Variants in UBR2 observed in about 807,000 individuals in gnomAD.
UBR2 encodes the protein E3 ubiquitin-protein ligase UBR2.
Under a neutral mutation model 247.9 loss-of-function variants are expected in UBR2, and 92 were observed. The ratio of observed to expected loss-of-function variants is 0.37; its 90% CI spans 0.31 to 0.44. The LOEUF is 0.44. Among genes scored for constraint, UBR2 ranks in the 20% least tolerant of loss-of-function variants. The pLI, the probability that UBR2 is intolerant of heterozygous loss-of-function variation, is 1.00. For missense variants in UBR2, 1,613 were observed against 2,112.6 expected (o/e 0.76, Z 4.64); for synonymous variants, 672 against 693.5 (o/e 0.97, Z 0.49).
At chr6:42,622,509 C>A (rs1795054403) in intron 11 of UBR2, among the ~76,000 whole-genome samples, 1 of 151,200 alleles carries the variant, frequency 6.6e-6, no homozygotes, top group African/African-American at 2.4e-5. Context: ...TAAAGTGATT[C>A]TTCTGCCTCA....
chr6:42,665,358 A>G (rs765330927), intron 32 of UBR2, 51 bp from the exon 33 acceptor site: 7 of 1,371,540 alleles, frequency 5.1e-6, no homozygotes, highest in Non-Finnish European at 7.1e-6. Context: ...AGTCTTTTGT[A>G]TCTTAAGGAA....
chr6:42,671,324 C>A (rs567916118), intron 36 of UBR2, among the ~76,000 whole-genome samples: 2 of 151,602 alleles, frequency 1.3e-5, no homozygotes, highest in African/African-American at 4.8e-5. Flanking sequence ...TTGGGAAGAT[C>A]ACTGGAGCTG....
chr6:42,658,844 A>C lies in UBR2; in HGVS notation c.3242+20A>C, dbSNP rs1017052114. On this transcript the variant is annotated intron_variant, in intron 29 of 46. Coordinates refer to ENST00000372901, the MANE Select transcript of UBR2 (RefSeq NM_001363705.2). ...TCATAGGTAAAAAAAAAAAAAAAAA[A>C]AATTAATGTCTTGACGAGTTTTTCC... 2 of 1,509,662 alleles carry C rather than the reference A, an allele frequency of 1.3e-6. No individual in the cohort carries two copies. The highest frequency in any genetic ancestry group is 1.8e-6 in the Non-Finnish European group (2 of 1,132,086). 93.5% of individuals were successfully genotyped at this position (1,509,662 alleles called of 1,614,324 possible).
intron 31 of UBR2, among the ~76,000 whole-genome samples, chr6:42,662,706 G>T (rs1005008075): frequency 6.6e-6 from 1 of 152,040 alleles, no homozygotes; most frequent in East Asian, 1.9e-4. Context: ...GTTCTACCTT[G>T]GTGTTTCCTA....
chr6:42,607,722 T>TTG (rs1554247998), intron 7 of UBR2, among the ~76,000 whole-genome samples: 1 of 135,930 alleles, frequency 7.4e-6, no homozygotes, highest in African/African-American at 2.8e-5. Flanking sequence ...GTTTTTTTTT[T>TTG]TTTTTTTTTT....
chr6:42,596,182 A>G (rs930295146), intron 4 of UBR2, among the ~76,000 whole-genome samples: 3 of 150,040 alleles, frequency 2.0e-5, no homozygotes, highest in Non-Finnish European at 4.4e-5. Flanking sequence ...ACCCAATTTA[A>G]AAATGGGCAA....
At chr6:42,682,791 T>G (rs1026958457) in intron 42 of UBR2, among the ~76,000 whole-genome samples, 1 of 152,220 alleles carries the variant, frequency 6.6e-6, no homozygotes, top group Non-Finnish European at 1.5e-5. Flanking sequence ...TAATATAGAC[T>G]AGTTTTTCTA....
rs746883159 is a variant in UBR2, at chr6:42,678,521, CT to C, written c.4479-10del. ...TTTTCTTAGTAGATTTCCCAATAAT[CT>C]TTTTTTTCTTTTTTAGTGCCTTGAA... On this transcript the variant is annotated splice_polypyrimidine_tract_variant and intron_variant, in intron 40 of 46. Coordinates refer to ENST00000372901, the MANE Select transcript of UBR2 (RefSeq NM_001363705.2). The C allele has an allele frequency of 3.8e-6, 6 of 1,596,162 alleles. No homozygotes were observed. The highest frequency in any genetic ancestry group is 2.2e-5 in the East Asian group (1 of 44,704).
chr6:42,601,483 G>T (rs1039683854), intron 4 of UBR2, among the ~76,000 whole-genome samples: 7 of 152,120 alleles, frequency 4.6e-5, no homozygotes, highest in Admixed American at 2.6e-4. Context: ...GAAGTCAGGG[G>T]TTTGAGACCA....
At chr6:42,630,049 A>G (rs1015454553) in intron 11 of UBR2, among the ~76,000 whole-genome samples, 2 of 152,022 alleles carry the variant, frequency 1.3e-5, no homozygotes, top group African/African-American at 2.4e-5. Flanking sequence ...GACAGGAGCC[A>G]CTGTGGCCAG....
At chr6:42,662,841 A>G (rs761538) in intron 31 of UBR2, among the ~76,000 whole-genome samples, 140,070 of 152,130 alleles carry the variant, frequency 0.92, 64,588 homozygotes, top group East Asian at 0.99. Context: ...AGGCTGAGAC[A>G]GGAGAATTGC....
intron 11 of UBR2, among the ~76,000 whole-genome samples, chr6:42,629,047 G>A (rs372729052): frequency 2.8e-4 from 42 of 151,820 alleles, no homozygotes; most frequent in African/African-American, 9.9e-4. Context: ...ATAGAGTTTC[G>A]CTCTTGTCAT....
Position 42,632,923 on chromosome 6 carries a change from A to G in UBR2, c.1545+19A>G, listed in dbSNP as rs375459206. ...TATGCAGGTATGTAAAAACTGTTAC[A>G]CTTTTCTTTTTCCTTTTTTTTTTTT... is the stretch of plus-strand genomic sequence containing the variant. On this transcript the variant is annotated intron_variant, in intron 13 of 46. Coordinates refer to ENST00000372901, the MANE Select transcript of UBR2 (RefSeq NM_001363705.2). 19 of 1,360,572 alleles carry G rather than the reference A, an allele frequency of 1.4e-5. No homozygotes were observed. Among genetic ancestry groups the G allele is most frequent in the Non-Finnish European group, 1.7e-5 (18 of 1,033,218 alleles). 84.3% of individuals were successfully genotyped at this position (1,360,572 alleles called of 1,614,324 possible).
chr6:42,632,387 A>T (rs568998975), intron 11 of UBR2, among the ~76,000 whole-genome samples, 165 bp from the exon 12 acceptor site: 6 of 152,130 alleles, frequency 3.9e-5, no homozygotes, highest in South Asian at 2.1e-4. Flanking sequence ...TGGCAATTGG[A>T]GTAAGTAATT....
Position 42,691,742 on chromosome 6 carries a change from G to A in UBR2, c.*569G>A, listed in dbSNP as rs1039544031. ...AGAAGAAGCCCGTGGGGAGAAGGTGGATTCCTGGTGTGCTGGCTGGTTTTT... is the reference window on the plus strand; with the variant it reads ...AGAAGAAGCCCGTGGGGAGAAGGTGAATTCCTGGTGTGCTGGCTGGTTTTT... On this transcript the variant is annotated 3_prime_UTR_variant, in exon 47 of 47. Coordinates refer to ENST00000372901, the MANE Select transcript of UBR2 (RefSeq NM_001363705.2). The A allele has an allele frequency of 6.6e-6, 1 of 151,642 alleles. No homozygotes were observed. The highest frequency in any genetic ancestry group is 6.6e-5 in the Admixed American group (1 of 15,226). 9.4% of individuals were successfully genotyped at this position (151,642 alleles called of 1,614,324 possible).
At chr6:42,565,144 G>A (rs1426550592) in intron 1 of UBR2, among the ~76,000 whole-genome samples, 2 of 152,240 alleles carry the variant, frequency 1.3e-5, no homozygotes, top group African/African-American at 4.8e-5. Flanking sequence ...ACTGGTCACA[G>A]TGTAGTAGGA....
chr6:42,613,910 C>T (rs1016320590), intron 8 of UBR2, among the ~76,000 whole-genome samples: 5 of 151,174 alleles, frequency 3.3e-5, no homozygotes, highest in Admixed American at 6.6e-5. Flanking sequence ...TGCAGTGGCT[C>T]ATGCTGGTAA....
chr6:42,625,599 A>C (rs1191364066), intron 11 of UBR2, among the ~76,000 whole-genome samples: 1 of 150,070 alleles, frequency 6.7e-6, no homozygotes, highest in Non-Finnish European at 1.5e-5. Flanking sequence ...ACAGGCATGC[A>C]CCACCACACT....
intron 26 of UBR2, among the ~76,000 whole-genome samples, chr6:42,657,099 G>A (rs1797482923): frequency 1.3e-5 from 2 of 151,888 alleles, no homozygotes; most frequent in Non-Finnish European, 1.5e-5. Flanking sequence ...ACCGGGCATG[G>A]TGGCGGGCGC....
Sources: allele counts gnomAD v4.1 joint callset (sites outside exome capture counted in the v4.1 genomes callset), GRCh38; gene constraint gnomAD v4.1.1; transcripts MANE v1.5; gene names NCBI Gene and HGNC (gene_info 2026-07-23, HGNC 2026-07-21).